TNRC6B: variants seen among roughly 807,000 people sequenced by gnomAD.
The protein encoded by TNRC6B is trinucleotide repeat-containing gene 6B protein.
A neutral mutation model predicts 203.6 loss-of-function variants in TNRC6B; 52 were observed. The ratio of observed to expected loss-of-function variants is 0.26; its 90% CI spans 0.20 to 0.32. The LOEUF (loss-of-function observed/expected upper bound fraction) is 0.32. Ranked by LOEUF, TNRC6B falls within the 10% of genes least tolerant of loss-of-function variation. The pLI is 1.00. For missense variants in TNRC6B, 1,923 were observed against 2,286.2 expected, an observed-to-expected ratio of 0.84 and a Z score of 3.24; for synonymous variants, 838 against 845.7, an observed-to-expected ratio of 0.99 and a Z score of 0.16.
At chr22:40,127,910 T>C (rs1342463598) in intron 3 of TNRC6B, among the ~76,000 whole-genome samples, 2 of 152,188 alleles carry the variant, frequency 1.3e-5, no homozygotes, top group African/African-American at 4.8e-5. Flanking sequence ...GTACATTTTC[T>C]CCCTGGAAAG....
At chr22:40,257,687 G>C (rs982700804) in intron 3 of TNRC6B, among the ~76,000 whole-genome samples, 1 of 151,924 alleles carries the variant, frequency 6.6e-6, no homozygotes, top group Non-Finnish European at 1.5e-5. Context: ...CTGTACTCCA[G>C]CCTGGGCAAC....
In TNRC6B at chr22:40,334,633, G is replaced by T. The variant is rs1424581317; in HGVS notation, c.*11392G>T. 6.6e-6 allele frequency: 1 copy of T among 152,586 alleles called. No individual in the cohort carries two copies. Among genetic ancestry groups the T allele is most frequent in the African/African-American group, 2.4e-5 (1 of 41,432 alleles). The allele number at this position is 152,586 out of a possible 1,614,324, so 9.5% of individuals were successfully genotyped here. ...GCTTTGGGTTCCATAATCCTAGGGG[G>T]CTATGTTTACATAGTAAAATACATC... On this transcript the variant is annotated 3_prime_UTR_variant, in exon 23 of 23. Transcript: ENST00000454349.
intron 1 of TNRC6B, among the ~76,000 whole-genome samples, chr22:40,065,669 T>G (rs974506088): frequency 2.0e-4 from 30 of 152,116 alleles, no homozygotes; most frequent in Admixed American, 3.3e-4. Context: ...TTTGTGTATC[T>G]CTGTAAATAT....
At chr22:40,168,041 C>A (rs1321423773) in intron 4 of TNRC6B, among the ~76,000 whole-genome samples, 8 of 152,134 alleles carry the variant, frequency 5.3e-5, no homozygotes, top group Admixed American at 4.6e-4. Context: ...CTGTTGAAAC[C>A]CAACTGATCT....
intron 3 of TNRC6B, among the ~76,000 whole-genome samples, chr22:40,127,872 A>G (rs993726327): frequency 6.6e-6 from 1 of 152,152 alleles, no homozygotes; most frequent in Non-Finnish European, 1.5e-5. Context: ...CCCTGCCTCA[A>G]AAAAAAGGAA....
At chr22:40,137,211 A>C (rs2068607538) in intron 3 of TNRC6B, among the ~76,000 whole-genome samples, 1 of 152,212 alleles carries the variant, frequency 6.6e-6, no homozygotes, top group South Asian at 2.1e-4. Context: ...CTTAGGCTGG[A>C]TCTGCTTTAG....
intron 18 of TNRC6B, 33 bp downstream of exon 18, chr22:40,312,684 C>T: frequency 1.9e-6 from 3 of 1,584,834 alleles, no homozygotes; most frequent in South Asian, 2.3e-5. Flanking sequence ...ATATGTTCAA[C>T]ACCCAGCATT....
upstream of TNRC6B, chr22:40,177,913 G>A (rs375370037): frequency 3.7e-6 from 5 of 1,340,656 alleles, no homozygotes; most frequent in African/African-American, 7.6e-5. Flanking sequence ...GTCACAAAAA[G>A]CTGCTTCCTT....
intron 4 of TNRC6B, among the ~76,000 whole-genome samples, chr22:40,171,910 G>T (rs2069003870): frequency 6.6e-6 from 1 of 151,976 alleles, no homozygotes; most frequent in African/African-American, 2.4e-5. Flanking sequence ...GCCCAGGCTG[G>T]AGTGCAGTAG....
At chr22:40,167,645 C>T (rs1430088545) in intron 4 of TNRC6B, among the ~76,000 whole-genome samples, 1 of 127,536 alleles carries the variant, frequency 7.8e-6, no homozygotes, top group Non-Finnish European at 1.6e-5. Flanking sequence ...TTTGGGAGAC[C>T]AAAGTGGGAG....
chr22:40,251,236 C>A (rs759791340), intron 3 of TNRC6B, 36 bp downstream of exon 3: 15 of 1,491,128 alleles, frequency 1.0e-5, no homozygotes, highest in African/African-American at 4.2e-5. Flanking sequence ...TTATTTAGAA[C>A]CTTTTGTGTT....
chr22:40,241,853 A>C (rs2070033225), intron 1 of TNRC6B, among the ~76,000 whole-genome samples: 1 of 152,206 alleles, frequency 6.6e-6, no homozygotes, highest in Admixed American at 6.5e-5. Flanking sequence ...ATTTTATACA[A>C]TGGCTTATAG....
At chr22:40,129,709 G>A (rs988427220) in intron 3 of TNRC6B, among the ~76,000 whole-genome samples, 4 of 152,134 alleles carry the variant, frequency 2.6e-5, no homozygotes, top group African/African-American at 9.7e-5. Flanking sequence ...GTGTCTGATA[G>A]GGGTGCAATT....
In TNRC6B at chr22:40,312,955, A is replaced by C; in HGVS notation, c.4636A>C (p.Ser1546Arg). 1.2e-6 allele frequency: 2 copies of C among 1,613,890 alleles called. No homozygotes were observed. Among genetic ancestry groups the C allele is most frequent in the African/African-American group, 2.7e-5 (2 of 75,038 alleles). ...GCCTTCACCTGGTGCCTGGCCCTAC[A>C]GTGCCTCTGACAACTCCTTTACCAA... ...SLPSPGAWPY[S>R]ASDNSFTNVH... The change falls in exon 19 of 23, where the codon AGT becomes CGT. Residue 1546 changes from serine to arginine, a missense_variant. Ser to Arg is a moderately radical substitution (Grantham distance 110). This residue lies in a region of TNRC6B where 159 missense variants were observed against 181.0 expected (regional missense o/e 0.88). Transcript: ENST00000454349.
intron 1 of TNRC6B, among the ~76,000 whole-genome samples, chr22:40,074,851 G>C (rs572107219): frequency 1.3e-5 from 2 of 151,832 alleles, no homozygotes; most frequent in Non-Finnish European, 2.9e-5. Flanking sequence ...CCAGCTACTC[G>C]GGAGGCTTAG....
In TNRC6B at chr22:40,301,277, T is replaced by G. The variant is rs1004997251; in HGVS notation, c.4064T>G (p.Leu1355Trp). ...PHLDNMVPNA[L>W]NVGLPDLQTK... ...CTGGACAACATGGTACCCAACGCAT[T>G]GAATGTGGGGCTCCCAGACCTTCAA... The change falls in exon 15 of 23, where the codon TTG becomes TGG. Residue 1355 changes from leucine to tryptophan, a missense_variant. This residue lies in a region of TNRC6B where 242 missense variants were observed against 399.5 expected (regional missense o/e 0.61). Coordinates refer to ENST00000454349, the MANE Select transcript of TNRC6B (RefSeq NM_001162501.2). 3.8e-6 allele frequency: 6 copies of G among 1,597,840 alleles called. No homozygotes were observed. Among genetic ancestry groups the G allele is most frequent in the Non-Finnish European group, 5.1e-6 (6 of 1,171,396 alleles).
At chr22:40,072,829 A>G (rs1196110036) in intron 1 of TNRC6B, among the ~76,000 whole-genome samples, 3 of 135,900 alleles carry the variant, frequency 2.2e-5, no homozygotes, top group Non-Finnish European at 3.1e-5. Context: ...GTGCCATTGC[A>G]TTCCAGCCTG....
chr22:40,219,886 A>T (rs563960980), intron 1 of TNRC6B, among the ~76,000 whole-genome samples: 33 of 152,096 alleles, frequency 2.2e-4, no homozygotes, highest in Admixed American at 5.9e-4. Flanking sequence ...TGTTCCCTTT[A>T]CTGGAATGTA....
intron 1 of TNRC6B, among the ~76,000 whole-genome samples, chr22:40,219,757 C>T (rs559987563): frequency 2.6e-5 from 4 of 152,278 alleles, no homozygotes; most frequent in South Asian, 2.1e-4. Flanking sequence ...TCACCTTATC[C>T]GAAGGACCCA....
Sources: gnomAD v4.1 joint callset for allele counts (sites outside exome capture counted in the v4.1 genomes callset) on GRCh38, gnomAD v4.1.1 for gene constraint, gnomAD v4.1.1 regional missense constraint, MANE v1.5 for transcripts, NCBI Gene and HGNC (gene_info 2026-07-23, HGNC 2026-07-21) for gene names.